Variants in CDS2 observed in about 807,000 individuals in gnomAD.
The protein encoded by CDS2 is CDP-diacylglycerol synthase 2.
A neutral mutation model predicts 59.0 loss-of-function variants in CDS2; 47 were observed. The observed-to-expected ratio is 0.80, with a 90% confidence interval of 0.63 to 1.02. The LOEUF (loss-of-function observed/expected upper bound fraction) is 1.02. CDS2 is among the 50% of genes least tolerant of loss of function. The probability of loss-of-function intolerance (pLI) is 0.00; values close to 1 mark genes in which losing one functional copy is unlikely to be tolerated. For synonymous variants in CDS2, 207 were observed against 206.4 expected (o/e 1.00, Z -0.02); for missense variants, 356 against 558.9 (o/e 0.64, Z 3.66).
chr20:5,174,070 C>T (rs1433826654), intron 2 of CDS2, among the ~76,000 whole-genome samples: 1 of 152,226 alleles, frequency 6.6e-6, no homozygotes, highest in African/African-American at 2.4e-5. Flanking sequence ...TTTAGTTTCT[C>T]TCACATCCTT....
At chr20:5,132,380 G>A (rs1037486020) in intron 1 of CDS2, among the ~76,000 whole-genome samples, 19 of 152,174 alleles carry the variant, frequency 1.2e-4, no homozygotes, top group African/African-American at 4.3e-4. Context: ...TTACAGGCGT[G>A]AGCCACCGCG....
rs1448961629 is a variant in CDS2 at position 5,191,919 on chromosome 20, T to G, written c.*1685T>G. 9.2e-5 allele frequency: 14 copies of G among 152,150 alleles called. No homozygotes were observed. Among genetic ancestry groups the G allele is most frequent in the Non-Finnish European group, 2.9e-5 (2 of 68,036 alleles). 9.4% of individuals were successfully genotyped at this position (152,150 alleles called of 1,614,324 possible). ...GGATGCATCACTCTCCAGGGCCTCT[T>G]TTTCGGAGCTACTCCCAATTCCACT... On this transcript the variant is annotated 3_prime_UTR_variant, in exon 13 of 13. Transcript: ENST00000460006.
intron 8 of CDS2, 31 bp from the exon 9 acceptor site, chr20:5,185,727 C>A: frequency 6.3e-7 from 1 of 1,598,902 alleles, no homozygotes; most frequent in South Asian, 1.1e-5. Flanking sequence ...ATCAAAACAC[C>A]CTTTGCTGAG....
At chr20:5,134,199 A>G (rs1030755240) in intron 1 of CDS2, among the ~76,000 whole-genome samples, 4 of 152,218 alleles carry the variant, frequency 2.6e-5, no homozygotes, top group Non-Finnish European at 4.4e-5. Context: ...GAAGACCACA[A>G]GGCGCCTTAC....
chr20:5,179,121 CTT>C (rs34544851), intron 5 of CDS2, among the ~76,000 whole-genome samples, 165 bp downstream of exon 5: 19 of 130,264 alleles, frequency 1.5e-4, no homozygotes, highest in South Asian at 2.5e-4. Flanking sequence ...CAGCTGTTAC[CTT>C]TTTTTTTTTT....
At chr20:5,146,104 T>C (rs1286999215) in intron 1 of CDS2, among the ~76,000 whole-genome samples, 1 of 152,210 alleles carries the variant, frequency 6.6e-6, no homozygotes, top group East Asian at 1.9e-4. Flanking sequence ...ATTACAGACA[T>C]GAACCACTGC....
intron 1 of CDS2, chr20:5,168,530 G>T (rs2090931243): frequency 2.0e-6 from 1 of 494,950 alleles, no homozygotes; most frequent in African/African-American, 1.9e-5. Flanking sequence ...CTAGCCATGG[G>T]CACAGCCACA....
intron 1 of CDS2, among the ~76,000 whole-genome samples, chr20:5,172,802 A>G (rs1393671095): frequency 6.6e-6 from 1 of 152,204 alleles, no homozygotes; most frequent in Non-Finnish European, 1.5e-5. Flanking sequence ...CTTGAGTGGT[A>G]GGATGGTTCC....
intron 9 of CDS2, 47 bp downstream of exon 9, chr20:5,185,873 C>T: frequency 3.9e-6 from 6 of 1,535,076 alleles, no homozygotes; most frequent in Non-Finnish European, 5.4e-6. Context: ...GGACAGAGGC[C>T]TCATACCACC....
At chr20:5,165,007 G>A (rs538718589) in intron 1 of CDS2, among the ~76,000 whole-genome samples, 1 of 152,220 alleles carries the variant, frequency 6.6e-6, no homozygotes, top group African/African-American at 2.4e-5. Flanking sequence ...GGCAAGGTGG[G>A]AGAGAGTGTT....
chr20:5,162,033 C>T (rs774581308), intron 1 of CDS2, among the ~76,000 whole-genome samples: 6 of 152,210 alleles, frequency 3.9e-5, no homozygotes, highest in African/African-American at 4.8e-5. Context: ...AATGCCTGTT[C>T]GTGAACCTAT....
At chr20:5,148,175 C>T (rs952236854) in intron 1 of CDS2, among the ~76,000 whole-genome samples, 3 of 152,048 alleles carry the variant, frequency 2.0e-5, no homozygotes, top group African/African-American at 7.2e-5. Flanking sequence ...GCAGCTGCAC[C>T]CCCTTCCTGC....
At chr20:5,189,682 G>T (rs2091097800) in intron 11 of CDS2, 53 bp from the exon 12 acceptor site, 1 of 1,347,102 alleles carries the variant, frequency 7.4e-7, no homozygotes, top group Non-Finnish European at 1.1e-6. Context: ...ATTAGGCTGG[G>T]ATTGGTTAGT....
chr20:5,161,914 A>G (rs1234223073), intron 1 of CDS2, among the ~76,000 whole-genome samples: 4 of 152,218 alleles, frequency 2.6e-5, no homozygotes, highest in Admixed American at 1.3e-4. Context: ...CTGTGTTAAT[A>G]TAGCCTAAAA....
chr20:5,146,084 A>G (rs1312682926), intron 1 of CDS2, among the ~76,000 whole-genome samples: 1 of 152,066 alleles, frequency 6.6e-6, no homozygotes, highest in Non-Finnish European at 1.5e-5. Flanking sequence ...TGGCCTCTCA[A>G]AATGTTGGGA....
At position 5,194,017 on chromosome 20, in the gene CDS2, G is replaced by C. The variant is rs1488469103; in HGVS notation, c.*3783G>C. On this transcript the variant is annotated 3_prime_UTR_variant, in exon 13 of 13. Transcript: ENST00000460006. ...GAGGTCAGGGTGGGGAGGATGTCCA[G>C]GTGACTTTTATGGACACATTGCAAG... The C allele has an allele frequency of 6.6e-6, 1 of 152,200 alleles. No homozygotes were observed. The highest frequency in any genetic ancestry group is 1.5e-5 in the Non-Finnish European group (1 of 68,052). The allele number at this position is 152,200 out of a possible 1,614,324, so 9.4% of individuals were successfully genotyped here. A position where few individuals can be genotyped will look rare whatever the true frequency, so the allele number is the denominator to read the frequency against.
chr20:5,188,056 G>A (rs1216541095), intron 10 of CDS2, among the ~76,000 whole-genome samples: 5 of 54,144 alleles, frequency 9.2e-5, no homozygotes, highest in Non-Finnish European at 1.8e-4. Flanking sequence ...CTTAACGTAC[G>A]TGTGTGTGTG....
At chr20:5,156,249 T>C (rs2090832890) in intron 1 of CDS2, among the ~76,000 whole-genome samples, 1 of 151,988 alleles carries the variant, frequency 6.6e-6, no homozygotes, top group Non-Finnish European at 1.5e-5. Context: ...AGGAGGTGTG[T>C]AGGGTAGGGG....
intron 1 of CDS2, among the ~76,000 whole-genome samples, chr20:5,139,490 A>G (rs1286206727): frequency 6.6e-6 from 1 of 152,240 alleles, no homozygotes; most frequent in Non-Finnish European, 1.5e-5. Flanking sequence ...ATGTGAGACC[A>G]TGCCATTTGC....
Sources: allele counts gnomAD v4.1 joint callset (sites outside exome capture counted in the v4.1 genomes callset), GRCh38; gene constraint gnomAD v4.1.1; transcripts MANE v1.5; gene names NCBI Gene and HGNC (gene_info 2026-07-23, HGNC 2026-07-21).